The following EYS variants were observed in gnomAD, a reference collection of about 807,000 sequenced individuals.
EYS encodes EGF-like photoreceptor maintenance factor, also known as protein eyes shut homolog.
In EYS, 250 loss-of-function variants were observed where a neutral mutation model predicts 282.1. The observed-to-expected ratio is 0.89, with a 90% confidence interval of 0.80 to 0.98. The LOEUF (loss-of-function observed/expected upper bound fraction) is 0.98, where lower values mean the gene tolerates loss of function less well. Ranked by LOEUF, EYS falls within the 50% of genes least tolerant of loss-of-function variation. EYS has a pLI of 0.00. For missense variants in EYS, 4,016 were observed against 3,709.0 expected (o/e 1.08, Z -2.15); for synonymous variants, 1,355 against 1,282.9 (o/e 1.06, Z -1.20).
At chr6:65,505,646 T>C (rs533240210) in intron 2 of EYS, among the ~76,000 whole-genome samples, 2 of 152,276 alleles carry the variant, frequency 1.3e-5, no homozygotes, top group African/African-American at 2.4e-5. Context: ...CAGACTTCTT[T>C]GACCAATGTG....
chr6:64,285,793 A>G (rs1768478633), intron 30 of EYS, among the ~76,000 whole-genome samples: 1 of 152,172 alleles, frequency 6.6e-6, no homozygotes. Flanking sequence ...CAGAAGTGGA[A>G]ACCCCTGATA....
At chr6:64,099,171 T>C (rs933965858) in intron 31 of EYS, among the ~76,000 whole-genome samples, 13 of 152,160 alleles carry the variant, frequency 8.5e-5, no homozygotes, top group South Asian at 2.1e-4. Context: ...AATACAGTCA[T>C]AGTAATTCAT....
At chr6:64,563,148 A>C (rs55693156) in intron 26 of EYS, among the ~76,000 whole-genome samples, 4,602 of 152,072 alleles carry the variant, frequency 0.03, 151 homozygotes, top group East Asian at 0.11. Flanking sequence ...AATCAAAATG[A>C]CTAATTTGGT....
chr6:64,059,863 A>G (rs767317915), intron 33 of EYS, among the ~76,000 whole-genome samples: 4 of 152,172 alleles, frequency 2.6e-5, no homozygotes, highest in Non-Finnish European at 4.4e-5. Flanking sequence ...ATATTTACAC[A>G]CATGCCAATA....
chr6:63,902,873 A>T (rs906678450), intron 35 of EYS, among the ~76,000 whole-genome samples: 1 of 152,188 alleles, frequency 6.6e-6, no homozygotes, highest in Admixed American at 6.5e-5. Context: ...TAGGTTGCTT[A>T]TGGAGGTTTG....
chr6:63,789,253 T>G (rs1027116708), intron 37 of EYS, 29 bp from the exon 38 acceptor site: 53 of 1,541,428 alleles, frequency 3.4e-5, no homozygotes, highest in Non-Finnish European at 4.3e-5. Flanking sequence ...TGGGGAATGC[T>G]CACTGAGAGG....
intron 5 of EYS, among the ~76,000 whole-genome samples, chr6:65,475,706 A>G (rs1337296091): frequency 2.0e-5 from 3 of 151,788 alleles, no homozygotes; most frequent in Non-Finnish European, 4.4e-5. Context: ...CCTAAAGTAT[A>G]TACTCATTTT....
chr6:64,336,216 C>A (rs186924023), intron 29 of EYS, among the ~76,000 whole-genome samples: 1 of 152,268 alleles, frequency 6.6e-6, no homozygotes, highest in East Asian at 1.9e-4. Context: ...ACTCACCAAA[C>A]AACTACCTGC....
intron 15 of EYS, among the ~76,000 whole-genome samples, chr6:64,936,893 T>TA (rs1768924963): frequency 6.6e-6 from 1 of 151,440 alleles, no homozygotes; most frequent in African/African-American, 2.4e-5. Context: ...AACAAAAAAA[T>TA]AAGTTGGATT....
intron 12 of EYS, among the ~76,000 whole-genome samples, chr6:65,164,149 C>T (rs187685675): frequency 9.5e-4 from 144 of 151,428 alleles, no homozygotes; most frequent in African/African-American, 3.3e-3. Flanking sequence ...AAAAAGTATA[C>T]ATTTATACAT....
intron 19 of EYS, among the ~76,000 whole-genome samples, chr6:64,826,208 T>C (rs1011273890): frequency 1.3e-5 from 2 of 151,880 alleles, no homozygotes; most frequent in African/African-American, 2.4e-5. Flanking sequence ...AATCACAGCA[T>C]AGCAGATGAT....
intron 22 of EYS, among the ~76,000 whole-genome samples, chr6:64,649,059 G>T (rs989656756): frequency 1.3e-4 from 20 of 152,026 alleles, no homozygotes; most frequent in African/African-American, 4.8e-4. Context: ...GAAAATAGAA[G>T]AAATGATTTA....
At chr6:63,871,020 A>G (rs1353466978) in intron 35 of EYS, among the ~76,000 whole-genome samples, 1 of 152,138 alleles carries the variant, frequency 6.6e-6, no homozygotes, top group Non-Finnish European at 1.5e-5. Context: ...TATAGATAAA[A>G]TTTTAGCCTT....
intron 13 of EYS, among the ~76,000 whole-genome samples, chr6:65,052,440 G>A (rs1773299255): frequency 6.6e-6 from 1 of 151,500 alleles, no homozygotes; most frequent in Non-Finnish European, 1.5e-5. Context: ...TGGGCATAGA[G>A]GGCTTTTAAT....
chr6:64,386,333 A>G (rs1033502784), intron 29 of EYS, among the ~76,000 whole-genome samples: 3 of 152,232 alleles, frequency 2.0e-5, no homozygotes, highest in African/African-American at 7.2e-5. Flanking sequence ...ACAGTTCCAC[A>G]CAGCTGGTGA....
At chr6:64,165,838 G>A (rs531349257) in intron 31 of EYS, among the ~76,000 whole-genome samples, 2 of 152,196 alleles carry the variant, frequency 1.3e-5, no homozygotes, top group Non-Finnish European at 2.9e-5. Context: ...TGAGATGTAT[G>A]GATTTTAGAA....
chr6:64,511,369 C>A (rs1390934067), intron 26 of EYS, among the ~76,000 whole-genome samples: 1 of 145,740 alleles, frequency 6.9e-6, no homozygotes, highest in African/African-American at 2.8e-5. Context: ...TGTTTGCTTC[C>A]TTACTTATCT....
intron 11 of EYS, 40 bp from the exon 12 acceptor site, chr6:65,296,159 C>A (rs1768659903): frequency 6.7e-7 from 1 of 1,490,864 alleles, no homozygotes; most frequent in Admixed American, 2.7e-5. Flanking sequence ...TAGTCATATA[C>A]TTTATTTTGA....
chr6:65,642,064 T>C (rs1471524929), intron 1 of EYS, among the ~76,000 whole-genome samples: 1 of 152,218 alleles, frequency 6.6e-6, no homozygotes, highest in African/African-American at 2.4e-5. Flanking sequence ...GCTTATTTTA[T>C]CCATAACTGA....
Sources: allele counts gnomAD v4.1 joint callset (sites outside exome capture counted in the v4.1 genomes callset), GRCh38; gene constraint gnomAD v4.1.1; transcripts MANE v1.5; gene names NCBI Gene and HGNC (gene_info 2026-07-23, HGNC 2026-07-21).